The following DCHS2 variants were observed in gnomAD, a reference collection of about 807,000 sequenced individuals.
DCHS2 encodes the protein protocadherin-23.
In DCHS2, 142 loss-of-function variants were observed where a neutral mutation model predicts 182.4. The ratio of observed to expected loss-of-function variants is 0.78; its 90% CI spans 0.68 to 0.89. The LOEUF (loss-of-function observed/expected upper bound fraction) is 0.89. Among genes scored for constraint, DCHS2 ranks in the 40% least tolerant of loss-of-function variants. DCHS2 has a pLI of 0.00. For synonymous variants in DCHS2, 1,740 were observed against 1,663.3 expected, an observed-to-expected ratio of 1.05 and a Z score of -1.12; for missense variants, 4,319 against 4,198.6, an observed-to-expected ratio of 1.03 and a Z score of -0.79.
rs375565956 is a variant in DCHS2 at position 154,398,869 on chromosome 4, G to A, written c.2053-21425C>T. Among the ~76,000 whole-genome samples, 49 of 152,260 alleles carry A rather than the reference G, an allele frequency of 3.2e-4. No individual in the cohort carries two copies. The South Asian group carries it at 0.01, about 32-fold the overall frequency. On this transcript the variant is annotated intron_variant, in intron 1 of 19. Coordinates refer to ENST00000357232, the MANE Select transcript of DCHS2 (RefSeq NM_001358235.2). ...TATTCTACTAAATAGAGGATTACAG[G>A]TCTATATCCCTCCAGCCAAAACATT...
At chr4:154,400,906 C>T (rs1277353066) in intron 1 of DCHS2, among the ~76,000 whole-genome samples, 1 of 152,276 alleles carries the variant, frequency 6.6e-6, no homozygotes, top group South Asian at 2.1e-4. Flanking sequence ...TCAGCCAAGC[C>T]TTTTCTCATC....
chr4:154,398,800 C>G (rs1298189119), intron 1 of DCHS2, among the ~76,000 whole-genome samples: 1 of 152,180 alleles, frequency 6.6e-6, no homozygotes, highest in Non-Finnish European at 1.5e-5. Context: ...CTATTTAGAA[C>G]TAAGATCTGA....
intron 2 of DCHS2, among the ~76,000 whole-genome samples, chr4:154,370,028 T>C (rs1253901130): frequency 1.3e-5 from 2 of 152,176 alleles, no homozygotes; most frequent in Non-Finnish European, 2.9e-5. Flanking sequence ...ACATCTCTCC[T>C]TCACATCTCT....
chr4:154,454,987 T>C (rs1184799267), intron 1 of DCHS2, among the ~76,000 whole-genome samples: 2 of 152,198 alleles, frequency 1.3e-5, no homozygotes, highest in East Asian at 3.8e-4. Context: ...GGCTTTGTCA[T>C]CAATGATGTC....
At chr4:154,406,394 A>T (rs138807351) in intron 1 of DCHS2, among the ~76,000 whole-genome samples, 289 of 152,330 alleles carry the variant, frequency 1.9e-3, no homozygotes, top group African/African-American at 6.7e-3. Context: ...CAACAAAGGT[A>T]TCATTCCTGT....
rs554561016 is a variant in DCHS2 at position 154,489,832 on chromosome 4, T to C, written c.1524A>G (p.Leu508=). The stretch of plus-strand genomic sequence containing the variant: ...GGGACCCCGCGTCCGTGGCCACCAG[T>C]AGTAACTCATACAGATCGCGGCTCT... The part of the protein sequence containing the change: ...DRESRDLYEL[L]LVATDAGSPP... Residue 508 remains leucine, a synonymous_variant, in exon 1 of 20, where the codon CTA becomes CTG. Coordinates refer to ENST00000357232, the MANE Select transcript of DCHS2 (RefSeq NM_001358235.2). 4.5e-6 allele frequency: 7 copies of C among 1,551,122 alleles called. No homozygotes were observed. The African/African-American group carries it at 6.8e-5, about 15-fold the overall frequency.
intron 3 of DCHS2, among the ~76,000 whole-genome samples, chr4:154,346,287 G>C (rs1729357338): frequency 6.6e-6 from 1 of 152,170 alleles, no homozygotes; most frequent in African/African-American, 2.4e-5. Context: ...ACCATTTATA[G>C]TGTGTGCTAC....
chr4:154,232,243 C>G lies in DCHS2; in HGVS notation c.*2293G>C, dbSNP rs1425713934. ...TTGTTTACTTAGGAAAAAAAGCACTCTAGTTGAAAGAGCTGACATACGATT... is the reference window on the plus strand; with the variant it reads ...TTGTTTACTTAGGAAAAAAAGCACTGTAGTTGAAAGAGCTGACATACGATT... On this transcript the variant is annotated 3_prime_UTR_variant, in exon 20 of 20. Coordinates refer to ENST00000357232, the MANE Select transcript of DCHS2 (RefSeq NM_001358235.2). The G allele has an allele frequency of 6.6e-6, 1 of 152,098 alleles. No individual in the cohort carries two copies. The highest frequency in any genetic ancestry group is 1.9e-4 in the East Asian group (1 of 5,188). The allele number at this position is 152,098 out of a possible 1,614,324, so 9.4% of individuals were successfully genotyped here. A position where few individuals can be genotyped will look rare whatever the true frequency, so the allele number is the denominator to read the frequency against.
intron 13 of DCHS2, among the ~76,000 whole-genome samples, chr4:154,295,885 A>G (rs1036300136): frequency 3.3e-5 from 5 of 152,196 alleles, no homozygotes; most frequent in Non-Finnish European, 1.5e-5. Context: ...CAACAGATCA[A>G]CTGCCAAAGG....
chr4:154,490,129 G>A lies in DCHS2; in HGVS notation c.1227C>T (p.Asn409=). 6.5e-7 allele frequency: 1 copy of A among 1,548,182 alleles called. No individual in the cohort carries two copies. Among genetic ancestry groups the A allele is most frequent in the Non-Finnish European group, 8.7e-7 (1 of 1,145,408 alleles). Residue 409 remains asparagine (N), a synonymous_variant, in exon 1 of 20, where the codon AAC becomes AAT. Transcript: ENST00000357232. ...GAAAGAGCACGTGAATTGCTGGCCG[G>A]TTGTCATTCACGTCCAGCACGGCGA... ...VSIAVLDVND[N]RPAIHVLFLT...
intron 12 of DCHS2, among the ~76,000 whole-genome samples, chr4:154,302,974 CACACACAT>C (rs1561026281): frequency 8.7e-4 from 93 of 106,338 alleles, no homozygotes; most frequent in Middle Eastern, 4.4e-3. Context: ...CACACCCACA[CACACACAT>C]ATTTTTTTTT....
At chr4:154,416,383 G>A (rs1052631146) in intron 1 of DCHS2, among the ~76,000 whole-genome samples, 2 of 152,188 alleles carry the variant, frequency 1.3e-5, no homozygotes, top group Non-Finnish European at 2.9e-5. Flanking sequence ...AGCTGACAGC[G>A]CAGGGAGGCT....
chr4:154,399,906 G>A (rs768884181), intron 1 of DCHS2, among the ~76,000 whole-genome samples: 18 of 152,160 alleles, frequency 1.2e-4, no homozygotes, highest in Non-Finnish European at 2.4e-4. Flanking sequence ...AGCTGTGAGA[G>A]GGCATAAATC....
At chr4:154,346,379 T>C (rs1729361806) in intron 3 of DCHS2, among the ~76,000 whole-genome samples, 1 of 152,186 alleles carries the variant, frequency 6.6e-6, no homozygotes, top group African/African-American at 2.4e-5. Context: ...ATGATATTAA[T>C]GAAGGAATTC....
intron 1 of DCHS2, among the ~76,000 whole-genome samples, chr4:154,403,008 G>C (rs923393372): frequency 6.6e-6 from 1 of 152,142 alleles, no homozygotes; most frequent in African/African-American, 2.4e-5. Flanking sequence ...ACAATTGCTT[G>C]TGGTATATTG....
chr4:154,432,512 A>G (rs1051143268), intron 1 of DCHS2, among the ~76,000 whole-genome samples: 34 of 152,204 alleles, frequency 2.2e-4, no homozygotes, highest in African/African-American at 8.2e-4. Flanking sequence ...AAGGTCTTAC[A>G]TTGTTCAGTA....
At chr4:154,400,734 T>C (rs549355223) in intron 1 of DCHS2, among the ~76,000 whole-genome samples, 39 of 152,298 alleles carry the variant, frequency 2.6e-4, no homozygotes, top group Admixed American at 9.8e-4. Context: ...TTCACACTCA[T>C]GCTAGCTACA....
chr4:154,373,450 A>G (rs72968021), intron 2 of DCHS2, among the ~76,000 whole-genome samples: 12,484 of 152,246 alleles, frequency 0.082, 1,264 homozygotes, highest in African/African-American at 0.24. Flanking sequence ...TATACATACT[A>G]TATGTGTATA....
At chr4:154,280,837 T>G (rs905525170) in intron 13 of DCHS2, among the ~76,000 whole-genome samples, 12 of 151,562 alleles carry the variant, frequency 7.9e-5, no homozygotes, top group Non-Finnish European at 1.5e-4. Flanking sequence ...TCTTTTTTTT[T>G]TTTTTTTAAA....
Sources: gnomAD v4.1 joint callset for allele counts (sites outside exome capture counted in the v4.1 genomes callset) on GRCh38, gnomAD v4.1.1 for gene constraint, MANE v1.5 for transcripts, NCBI Gene and HGNC (gene_info 2026-07-23, HGNC 2026-07-21) for gene names.